Variants in COL6A5 observed in about 807,000 individuals in gnomAD.
COL6A5 encodes the protein collagen type VI alpha 5 chain, also known as collagen alpha-5(VI) chain.
Under a neutral mutation model 65.6 loss-of-function variants are expected in COL6A5, and 48 were observed. The ratio of observed to expected loss-of-function variants is 0.73; its 90% CI spans 0.58 to 0.93. The LOEUF (loss-of-function observed/expected upper bound fraction) is 0.93. Among genes scored for constraint, COL6A5 ranks in the 40% least tolerant of loss-of-function variants. The pLI, the probability that COL6A5 is intolerant of heterozygous loss-of-function variation, is 0.00. For missense variants in COL6A5, 914 were observed against 928.3 expected, an observed-to-expected ratio of 0.98 and a Z score of 0.20; for synonymous variants, 291 against 322.8, an observed-to-expected ratio of 0.90 and a Z score of 1.05.
At chr3:130,435,080 G>A (rs543669464) in intron 1 of COL6A5, among the ~76,000 whole-genome samples, 20 of 152,170 alleles carry the variant, frequency 1.3e-4, no homozygotes, top group African/African-American at 4.3e-4. Flanking sequence ...TGGGTTTTAC[G>A]TTTAAGTCTT....
Position 130,469,341 on chromosome 3 carries a change from G to GTA in COL6A5, c.2091_2092insTA (p.Pro699ThrfsTer9). 1.2e-6 allele frequency: 2 copies of GTA among 1,612,664 alleles called. No individual in the cohort carries two copies. Among genetic ancestry groups the GTA allele is most frequent in the African/African-American group, 2.7e-5 (2 of 74,806 alleles). ...TACTCCATATTTGTGTTTTCCTTTG[G>GTA]CCCTAAACACAATGACAAAGAATTA... On this transcript the variant is annotated frameshift_variant, in exon 6 of 8. Transcript: ENST00000512836. LOFTEE classifies it high-confidence loss of function.
chr3:130,421,300 TTA>T, intron 26 of COL6A5, 23 bp from the exon 27 acceptor site: 1 of 1,550,504 alleles, frequency 6.4e-7, no homozygotes, highest in Non-Finnish European at 8.7e-7. Flanking sequence ...GTTGATGTAT[TTA>T]TGTTCTGTGC....
At chr3:130,362,308 ATATATATATATATATATATT>A (rs1559857964) in intron 1 of COL6A5, among the ~76,000 whole-genome samples, 7 of 21,090 alleles carry the variant, frequency 3.3e-4, no homozygotes, top group African/African-American at 5.0e-4. Context: ...ATATATATAT[ATATATATATATATATATATT>A]TTTTTTTTTT....
chr3:130,378,693 G>C (rs1267736252), intron 3 of COL6A5, among the ~76,000 whole-genome samples: 1 of 151,990 alleles, frequency 6.6e-6, no homozygotes. Flanking sequence ...TGTTCTATCT[G>C]CCGGAATTCC....
intron 24 of COL6A5, among the ~76,000 whole-genome samples, chr3:130,417,666 G>A (rs1333249904): frequency 6.6e-6 from 1 of 152,122 alleles, no homozygotes; most frequent in African/African-American, 2.4e-5. Context: ...TCGTCAGAGA[G>A]CAAATGATTA....
At chr3:130,447,266 C>T (rs1709328731) in intron 4 of COL6A5, among the ~76,000 whole-genome samples, 1 of 152,122 alleles carries the variant, frequency 6.6e-6, no homozygotes, top group African/African-American at 2.4e-5. Flanking sequence ...GAGACATGCA[C>T]ATATGACAGT....
intron 4 of COL6A5, among the ~76,000 whole-genome samples, chr3:130,444,711 C>T (rs1338018805): frequency 6.6e-6 from 1 of 152,108 alleles, no homozygotes; most frequent in African/African-American, 2.4e-5. Flanking sequence ...CAGTGGAGCC[C>T]CCAATAGACT....
intron 1 of COL6A5, among the ~76,000 whole-genome samples, chr3:130,372,324 G>A (rs1189563936): frequency 2.0e-5 from 3 of 151,906 alleles, no homozygotes; most frequent in Non-Finnish European, 4.4e-5. Flanking sequence ...ACCTAGTCCA[G>A]ATAAATGAAA....
intron 24 of COL6A5, among the ~76,000 whole-genome samples, chr3:130,417,441 C>A (rs533088913): frequency 4.0e-4 from 61 of 152,092 alleles, no homozygotes; most frequent in Non-Finnish European, 6.8e-4. Context: ...TTTCTAACTG[C>A]TGACCTCTCC....
intron 3 of COL6A5, among the ~76,000 whole-genome samples, chr3:130,442,358 G>GC (rs1559906209): frequency 1.3e-5 from 2 of 150,000 alleles, no homozygotes; most frequent in African/African-American, 5.0e-5. Context: ...TTGGCTCAGA[G>GC]TCATTGGTAT....
chr3:130,421,435 CT>C, intron 27 of COL6A5, 75 bp downstream of exon 27: 1 of 1,389,646 alleles, frequency 7.2e-7, no homozygotes, highest in East Asian at 2.5e-5. Context: ...ACCTGTAGGT[CT>C]GAATGAAATG....
Position 130,385,314 on chromosome 3 carries a change from C to T in COL6A5, c.1811C>T (p.Ala604Val), listed in dbSNP as rs550103989. Residue 604 changes from alanine (A) to valine (V), a missense_variant and NMD_transcript_variant, in exon 5 of 42, where the codon GCT becomes GTT. Physicochemically the swap from Ala to Val is moderately conservative, Grantham distance 64. Coordinates refer to the COL6A5 transcript ENST00000312481. ...GTTAGCTTTGGGCAGAACTTTGATG[C>T]TTTGAAAAGCATAAAAAATGAAGTC... 11 of 1,550,608 alleles carry T rather than the reference C, an allele frequency of 7.1e-6. No individual in the cohort carries two copies. The East Asian group carries it at 2.7e-4, about 38-fold the overall frequency.
At chr3:130,411,889 C>A (rs1577482451) in intron 20 of COL6A5, among the ~76,000 whole-genome samples, 1 of 152,252 alleles carries the variant, frequency 6.6e-6, no homozygotes, top group Non-Finnish European at 1.5e-5. Flanking sequence ...CTGAATTAAA[C>A]AAGGCAACAT....
intron 23 of COL6A5, among the ~76,000 whole-genome samples, chr3:130,416,063 C>A (rs1937327684): frequency 6.6e-6 from 1 of 152,104 alleles, no homozygotes; most frequent in Admixed American, 6.6e-5. Context: ...TGTCTCCATT[C>A]ACTATAGATA....
chr3:130,422,638 A>G (rs1937537524), intron 27 of COL6A5, 82 bp from the exon 28 acceptor site: 2 of 838,410 alleles, frequency 2.4e-6, no homozygotes, highest in Non-Finnish European at 1.9e-6. Flanking sequence ...ATATCAATCA[A>G]GTTTGAGTCC....
chr3:130,421,469 G>GAAA, intron 27 of COL6A5, 109 bp downstream of exon 27: 2 of 1,050,444 alleles, frequency 1.9e-6, no homozygotes, highest in Non-Finnish European at 2.8e-6. Context: ...AGAAACCAAG[G>GAAA]ACAGTTGTTT....
intron 5 of COL6A5, among the ~76,000 whole-genome samples, chr3:130,464,331 C>G (rs1218529658): frequency 6.6e-6 from 1 of 151,944 alleles, no homozygotes; most frequent in Non-Finnish European, 1.5e-5. Context: ...GATGAGTCCA[C>G]TATGTTGCCC....
At chr3:130,373,806 G>T in intron 2 of COL6A5, 101 bp downstream of exon 2, 1 of 771,782 alleles carries the variant, frequency 1.3e-6, no homozygotes. Context: ...AAAAATCAAA[G>T]TATGCAGCAT....
chr3:130,422,741 A>T (rs1937538925), exon 28 of COL6A5: 2 of 1,531,986 alleles, frequency 1.3e-6, no homozygotes, highest in Non-Finnish European at 1.8e-6. Flanking sequence ...TAATCCTGGA[A>T]TTCCTGGGGG....
Sources: gnomAD v4.1 joint callset for allele counts (sites outside exome capture counted in the v4.1 genomes callset) on GRCh38, gnomAD v4.1.1 for gene constraint, MANE v1.5 for transcripts, NCBI Gene and HGNC (gene_info 2026-07-23, HGNC 2026-07-21) for gene names.